Variants in MINAR1 observed in about 807,000 individuals in gnomAD.
MINAR1 encodes the protein major intrinsically disordered Notch2-binding receptor 1.
In MINAR1, 40 loss-of-function variants were observed where a neutral mutation model predicts 65.1. The observed-to-expected ratio is 0.61, with a 90% CI of 0.48 to 0.80. The LOEUF is 0.80. Ranked by LOEUF, MINAR1 falls within the 30% of genes least tolerant of loss-of-function variation. The pLI, the probability that MINAR1 is intolerant of heterozygous loss-of-function variation, is 0.00. For missense variants in MINAR1, 1,128 were observed against 1,148.0 expected, an observed-to-expected ratio of 0.98 and a Z score of 0.25; for synonymous variants, 482 against 449.1, an observed-to-expected ratio of 1.07 and a Z score of -0.93.
chr15:79,456,714 C>T lies in MINAR1; in HGVS notation c.567C>T (p.Ala189=), dbSNP rs781773988. ...TTAGCAAAGAGGTGAAAAACCGCGCCGCTTCCCTGGACAGGTTGCAGGCCC... is the reference window on the plus strand; with the variant it reads ...TTAGCAAAGAGGTGAAAAACCGCGCTGCTTCCCTGGACAGGTTGCAGGCCC... ...LGVSKEVKNR[A]ASLDRLQALA... Residue 189 remains alanine (A), a synonymous_variant, in exon 2 of 4, where the codon GCC becomes GCT. Coordinates refer to ENST00000305428, the MANE Select transcript of MINAR1 (RefSeq NM_015206.3). The T allele has an allele frequency of 2.3e-5, 37 of 1,614,038 alleles. No individual in the cohort carries two copies. The highest frequency in any genetic ancestry group is 3.3e-5 in the South Asian group (3 of 91,088).
chr15:79,424,190 T>C, the MINAR1 span: 1 of 152,208 alleles, frequency 6.6e-6, no homozygotes, highest in African/African-American at 2.4e-5. Flanking sequence ...TCCAGATAAC[T>C]CCATGGAAAT....
the MINAR1 span, chr15:79,412,807 C>A: frequency 1.3e-5 from 2 of 152,384 alleles, no homozygotes. Context: ...TGGCTGGCAC[C>A]ACCCATTGGA....
At chr15:79,432,059 C>T (rs889946630), upstream of MINAR1, among the ~76,000 whole-genome samples, 2 of 152,052 alleles carry the variant, frequency 1.3e-5, no homozygotes, top group African/African-American at 4.8e-5. Context: ...CCCAGCCCAG[C>T]TCTCCCCAGC....
chr15:79,449,993 C>T (rs1464877757), intron 1 of MINAR1, among the ~76,000 whole-genome samples: 1 of 152,212 alleles, frequency 6.6e-6, no homozygotes, highest in Admixed American at 6.5e-5. Flanking sequence ...ACCTTTTCCC[C>T]ATGGCTGGAA....
At position 79,458,161 on chromosome 15, in the gene MINAR1, G is replaced by A. The variant is rs550052834; in HGVS notation, c.2014G>A (p.Gly672Arg). The change falls in exon 2 of 4, where the codon GGA becomes AGA. Residue 672 changes from glycine to arginine, a missense_variant. By Grantham distance (125) the Gly-to-Arg change is moderately radical (BLOSUM62 -2). Transcript: ENST00000305428. ...RMFHAHSGSH[G>R]PKLENNPDWC... ...GTTCCACGCACACAGTGGCTCCCAC[G>A]GACCCAAACTAGAGAACAACCCTGA... 107 of 1,614,130 alleles carry A rather than the reference G, an allele frequency of 6.6e-5. 2 individuals are homozygous for A. The South Asian group carries it at 9.0e-4, about 14-fold the overall frequency.
rs745703589 is a variant in MINAR1 at position 79,463,214 on chromosome 15, C to G, written c.2446C>G (p.Arg816Gly). ...GAGCAACCCCCTGTACACAGACATG[C>G]GGCTGACCGAGTTGGCCGAGGTGAA... ...MKSNPLYTDM[R>G]LTELAEVKRG... The change falls in exon 3 of 4, where the codon CGG (arginine) becomes GGG (glycine). Residue 816 changes from arginine (R) to glycine (G), a missense_variant. Coordinates refer to ENST00000305428, the MANE Select transcript of MINAR1 (RefSeq NM_015206.3). The G allele has an allele frequency of 1.2e-6, 2 of 1,614,222 alleles. No individual in the cohort carries two copies. Among genetic ancestry groups the G allele is most frequent in the South Asian group, 2.2e-5 (2 of 91,082 alleles).
chr15:79,428,235 C>T (rs1894357078), upstream of MINAR1, among the ~76,000 whole-genome samples: 1 of 89,584 alleles, frequency 1.1e-5, no homozygotes, highest in Non-Finnish European at 2.2e-5. Context: ...CCCCCTCCCT[C>T]CCTCCTCTCC....
chr15:79,458,211 G>A lies in MINAR1; in HGVS notation c.2064G>A (p.Gly688=), dbSNP rs1895511036. The change falls in exon 2 of 4, where the codon GGG becomes GGA. Residue 688 remains glycine (G), a synonymous_variant. Coordinates refer to ENST00000305428, the MANE Select transcript of MINAR1 (RefSeq NM_015206.3). The part of the protein sequence containing the change: ...NPDWCCSDAS[G]SNSESLRVKA... ...ACTGGTGCTGCTCTGATGCTAGCGG[G>A]AGCAACAGTGAAAGCCTGCGGGTCA... The A allele has an allele frequency of 6.2e-7, 1 of 1,613,924 alleles. No individual in the cohort carries two copies. Among genetic ancestry groups the A allele is most frequent in the South Asian group, 1.1e-5 (1 of 91,068 alleles).
chr15:79,452,735 G>GGTGTGT (rs200698792), intron 1 of MINAR1, among the ~76,000 whole-genome samples: 1 of 138,826 alleles, frequency 7.2e-6, no homozygotes, highest in African/African-American at 2.7e-5. Flanking sequence ...AGTCTGTGTG[G>GGTGTGT]GTGTGTGGGG....
intron 1 of MINAR1, among the ~76,000 whole-genome samples, chr15:79,452,622 A>G (rs1444764294): frequency 1.2e-5 from 1 of 80,298 alleles, no homozygotes; most frequent in Non-Finnish European, 2.6e-5. Context: ...GGGTGTCTGG[A>G]TGAGTCTGTG....
At chr15:79,467,282 A>T (rs1040797514) in intron 3 of MINAR1, among the ~76,000 whole-genome samples, 1 of 152,248 alleles carries the variant, frequency 6.6e-6, no homozygotes. Flanking sequence ...AATCTTAAAA[A>T]TGGATATTTT....
chr15:79,458,489 A>G (rs879612070), intron 2 of MINAR1, 44 bp downstream of exon 2: 4 of 1,582,420 alleles, frequency 2.5e-6, no homozygotes, highest in Non-Finnish European at 3.4e-6. Flanking sequence ...CAGCTTCATC[A>G]TAGCCCTGGT....
At position 79,469,543 on chromosome 15, in the gene MINAR1, ATCTATCTATCTATATG is replaced by A. The variant is rs1458292328; in HGVS notation, c.*1173_*1188del. 3 of 151,480 alleles carry A rather than the reference ATCTATCTATCTATATG, an allele frequency of 2.0e-5. No individual in the cohort carries two copies. The highest frequency in any genetic ancestry group is 1.9e-4 in the East Asian group (1 of 5,176). 9.4% of individuals were successfully genotyped at this position (151,480 alleles called of 1,614,324 possible). A position where few individuals can be genotyped will look rare whatever the true frequency, so the allele number is the denominator to read the frequency against. On this transcript the variant is annotated 3_prime_UTR_variant, in exon 4 of 4. Transcript: ENST00000305428. ...TGTTTAACCACTTATCTATATGTCT[ATCTATCTATCTATATG>A]TCTATCTATCTATCTAAATACTTGA...
At chr15:79,429,844 G>A (rs945818189), upstream of MINAR1, among the ~76,000 whole-genome samples, 2 of 152,240 alleles carry the variant, frequency 1.3e-5, no homozygotes, top group Admixed American at 6.5e-5. Flanking sequence ...TCCACTGTGC[G>A]TGTGTGCAAC....
At chr15:79,464,475 C>T (rs1895768144) in intron 3 of MINAR1, among the ~76,000 whole-genome samples, 1 of 152,176 alleles carries the variant, frequency 6.6e-6, no homozygotes, top group Non-Finnish European at 1.5e-5. Context: ...AATCGAGGCC[C>T]CAGGAAGCTC....
At chr15:79,449,755 C>T (rs1156935651) in intron 1 of MINAR1, among the ~76,000 whole-genome samples, 1 of 152,174 alleles carries the variant, frequency 6.6e-6, no homozygotes, top group Non-Finnish European at 1.5e-5. Context: ...CTTGAAGGGA[C>T]ACAATCAAAC....
chr15:79,411,669 C>T, the MINAR1 span: 1 of 585,362 alleles, frequency 1.7e-6, no homozygotes, highest in African/African-American at 1.9e-5. Context: ...GAACAACCTG[C>T]TCTCACCACA....
At chr15:79,463,637 C>G in intron 3 of MINAR1, 2 of 567,886 alleles carry the variant, frequency 3.5e-6, no homozygotes, top group Admixed American at 4.4e-5. Flanking sequence ...TATTTGCTCA[C>G]AAGACCTGAG....
rs1895443078 is a variant in MINAR1, at chr15:79,456,941, A to G, written c.794A>G (p.His265Arg). Residue 265 changes from histidine (H) to arginine (R), a missense_variant, in exon 2 of 4, where the codon CAC becomes CGC. Coordinates refer to ENST00000305428, the MANE Select transcript of MINAR1 (RefSeq NM_015206.3). ...QKRNIFKEDF[H>R]NLMAVSPSLV... is the part of the protein sequence containing the mutation. ...AGGAATATCTTCAAAGAGGATTTTC[A>G]CAATTTGATGGCAGTGTCCCCCAGT... is the stretch of plus-strand genomic sequence containing the variant. 6.2e-7 allele frequency: 1 copy of G among 1,614,052 alleles called. No homozygotes were observed. The highest frequency in any genetic ancestry group is 1.1e-5 in the South Asian group (1 of 91,082).
Sources: allele counts gnomAD v4.1 joint callset (sites outside exome capture counted in the v4.1 genomes callset), GRCh38; gene constraint gnomAD v4.1.1; transcripts MANE v1.5; gene names NCBI Gene and HGNC (gene_info 2026-07-23, HGNC 2026-07-21).